Variants in CPQ observed in about 807,000 individuals in gnomAD.
CPQ encodes Ser-Met dipeptidase.
A neutral mutation model predicts 45.7 loss-of-function variants in CPQ; 37 were observed. That is an observed-to-expected ratio of 0.81 (90% confidence interval 0.62 to 1.07). The LOEUF is 1.07. Among genes scored for constraint, CPQ ranks in the 50% least tolerant of loss-of-function variants. CPQ has a pLI of 0.00. For synonymous variants in CPQ, 186 were observed against 205.8 expected (o/e 0.90, Z 0.82); for missense variants, 537 against 572.9 (o/e 0.94, Z 0.64).
intron 4 of CPQ, among the ~76,000 whole-genome samples, chr8:96,902,002 A>T (rs565039130): frequency 6.6e-6 from 1 of 152,302 alleles, no homozygotes; most frequent in Middle Eastern, 3.4e-3. Context: ...GCTTAATAAG[A>T]CTACACAGAC....
intron 4 of CPQ, among the ~76,000 whole-genome samples, chr8:96,915,520 T>C (rs76420871): frequency 0.043 from 6,593 of 152,218 alleles, 189 homozygotes; most frequent in Non-Finnish European, 0.066. Flanking sequence ...CTACATCTCT[T>C]TATTGATGAA....
chr8:96,810,495 G>A (rs1372069327), intron 2 of CPQ, among the ~76,000 whole-genome samples: 1 of 152,138 alleles, frequency 6.6e-6, no homozygotes, highest in African/African-American at 2.4e-5. Flanking sequence ...AGAAGATGGA[G>A]ATCTAGACCC....
chr8:97,065,903 C>A, intron 6 of CPQ, 106 bp from the exon 7 acceptor site: 1 of 1,087,360 alleles, frequency 9.2e-7, no homozygotes. Flanking sequence ...TGTGTTTTGG[C>A]ACAGCCGTAA....
chr8:96,989,186 G>A (rs1488862188), intron 5 of CPQ, among the ~76,000 whole-genome samples: 1 of 152,066 alleles, frequency 6.6e-6, no homozygotes, highest in Non-Finnish European at 1.5e-5. Flanking sequence ...CTAAATGAAG[G>A]CCACCAAAGT....
intron 1 of CPQ, among the ~76,000 whole-genome samples, chr8:96,704,925 G>T (rs1393538500): frequency 6.6e-6 from 1 of 152,064 alleles, no homozygotes; most frequent in Non-Finnish European, 1.5e-5. Context: ...CAGAGAAGGA[G>T]GTCTGAAATG....
intron 7 of CPQ, among the ~76,000 whole-genome samples, chr8:97,103,277 A>G (rs558669611): frequency 2.2e-4 from 33 of 152,336 alleles, no homozygotes; most frequent in Middle Eastern, 3.4e-3. Context: ...CAACTTAACC[A>G]CATTGACTAA....
chr8:96,654,837 C>T (rs1375964949), intron 1 of CPQ, among the ~76,000 whole-genome samples: 1 of 152,148 alleles, frequency 6.6e-6, no homozygotes. Flanking sequence ...TGACCATAAA[C>T]CTGACTGCAT....
intron 7 of CPQ, among the ~76,000 whole-genome samples, chr8:97,122,035 AG>A (rs2130608009): frequency 6.6e-6 from 1 of 152,234 alleles, no homozygotes. Context: ...AAATAAACAG[AG>A]TCTCCATGAC....
At chr8:96,861,768 A>C (rs1281657323) in intron 3 of CPQ, among the ~76,000 whole-genome samples, 1 of 152,146 alleles carries the variant, frequency 6.6e-6, no homozygotes, top group Non-Finnish European at 1.5e-5. Context: ...CAGCACTCTG[A>C]GAATGAGAAG....
intron 1 of CPQ, among the ~76,000 whole-genome samples, chr8:96,707,684 AATGAATGAT>A (rs960282436): frequency 8.0e-5 from 12 of 150,798 alleles, no homozygotes; most frequent in African/African-American, 2.7e-4. Flanking sequence ...TGAATGAATG[AATGAATGAT>A]TTTTTTTTTT....
chr8:97,122,838 T>A (rs936627788), intron 7 of CPQ, among the ~76,000 whole-genome samples: 1 of 146,722 alleles, frequency 6.8e-6, no homozygotes, highest in African/African-American at 2.6e-5. Flanking sequence ...TGAGCCAATA[T>A]CACACCACTG....
intron 4 of CPQ, among the ~76,000 whole-genome samples, chr8:96,958,912 G>GAA (rs34511194): frequency 0.35 from 45,334 of 130,612 alleles, 7,358 homozygotes; most frequent in South Asian, 0.44. Context: ...CAGCTTCACT[G>GAA]AAAAAAAAAA....
At chr8:96,868,413 A>G (rs1053731391) in intron 3 of CPQ, among the ~76,000 whole-genome samples, 2 of 152,024 alleles carry the variant, frequency 1.3e-5, no homozygotes. Context: ...TTCTCAAACA[A>G]TTGGGGAATC....
intron 3 of CPQ, among the ~76,000 whole-genome samples, chr8:96,867,408 G>A (rs980452253): frequency 3.3e-5 from 5 of 151,878 alleles, no homozygotes; most frequent in African/African-American, 1.2e-4. Context: ...AATAAAAATG[G>A]GTGAATAAGG....
At chr8:96,859,593 CTGT>C (rs1384785219) in intron 3 of CPQ, among the ~76,000 whole-genome samples, 1 of 152,152 alleles carries the variant, frequency 6.6e-6, no homozygotes, top group African/African-American at 2.4e-5. Context: ...TATAATTTTA[CTGT>C]TGTTAGAACT....
intron 4 of CPQ, among the ~76,000 whole-genome samples, chr8:96,889,369 G>A (rs1231714648): frequency 1.3e-5 from 2 of 152,316 alleles, no homozygotes; most frequent in African/African-American, 4.8e-5. Flanking sequence ...AGTTGTTGAA[G>A]TTTGGGTATA....
intron 5 of CPQ, 131 bp from the exon 6 acceptor site, chr8:97,029,271 CA>C (rs1809852330): frequency 1.2e-6 from 1 of 821,690 alleles, no homozygotes; most frequent in African/African-American, 1.7e-5. Context: ...CTGAAGGAGA[CA>C]ACCACACCAG....
chr8:97,015,376 CAT>C (rs1283090063), intron 5 of CPQ, among the ~76,000 whole-genome samples: 2 of 150,656 alleles, frequency 1.3e-5, no homozygotes, highest in Non-Finnish European at 3.0e-5. Context: ...TTATCTTAGA[CAT>C]GTGTTGATAA....
rs748699520 is a variant in CPQ at position 96,879,917 on chromosome 8, T to C, written c.761T>C (p.Ile254Thr). The C allele has an allele frequency of 2.5e-6, 4 of 1,613,926 alleles. No homozygotes were observed. In the African/African-American group the frequency reaches 4.0e-5, roughly 16 times the overall value. The change falls in exon 4 of 8, where the codon ATT (isoleucine) becomes ACT (threonine). Residue 254 changes from isoleucine to threonine, a missense_variant. Transcript: ENST00000220763. Reference sequence around the variant, plus strand: ...GCTTCTCATGGGATCAAAATTGTCATTCAGCTAAAGATGGGGGCAAAGACC... The same window carrying C: ...GCTTCTCATGGGATCAAAATTGTCACTCAGCTAAAGATGGGGGCAAAGACC... The part of the protein sequence containing the change: ...RMASHGIKIV[I>T]QLKMGAKTYP...
Sources: gnomAD v4.1 joint callset for allele counts (sites outside exome capture counted in the v4.1 genomes callset) on GRCh38, gnomAD v4.1.1 for gene constraint, MANE v1.5 for transcripts, NCBI Gene and HGNC (gene_info 2026-07-23, HGNC 2026-07-21) for gene names.